The following MTARC2 variants were observed in gnomAD, a reference collection of about 807,000 sequenced individuals.
MTARC2 encodes MOCO sulphurase C-terminal domain containing 2.
MTARC2 carries 27 observed loss-of-function variants against 35.6 expected under a neutral mutation model. The ratio of observed to expected loss-of-function variants is 0.76; its 90% CI spans 0.56 to 1.04. The LOEUF is 1.04. MTARC2 is among the 50% of genes least tolerant of loss of function. MTARC2 has a pLI of 0.00. For synonymous variants in MTARC2, 158 were observed against 167.1 expected (o/e 0.95, Z 0.42); for missense variants, 412 against 432.5 (o/e 0.95, Z 0.42).
At chr1:220,768,695 A>T (rs1671650636) in intron 4 of MTARC2, among the ~76,000 whole-genome samples, 1 of 152,170 alleles carries the variant, frequency 6.6e-6, no homozygotes, top group South Asian at 2.1e-4. Context: ...TGTGCTCAGT[A>T]AAAAATGGAG....
intron 4 of MTARC2, among the ~76,000 whole-genome samples, chr1:220,776,281 T>C (rs1165446223): frequency 2.0e-5 from 3 of 152,198 alleles, no homozygotes; most frequent in Non-Finnish European, 4.4e-5. Context: ...ATCAGTGATA[T>C]TGAGGATTTT....
At chr1:220,769,733 C>T (rs1464798881) in intron 4 of MTARC2, among the ~76,000 whole-genome samples, 1 of 136,674 alleles carries the variant, frequency 7.3e-6, no homozygotes, top group African/African-American at 2.9e-5. Context: ...ACTCCCTGGG[C>T]ACTTTCTTCT....
intron 4 of MTARC2, among the ~76,000 whole-genome samples, chr1:220,771,818 CT>C (rs1267508542): frequency 6.6e-6 from 1 of 151,928 alleles, no homozygotes; most frequent in East Asian, 1.9e-4. Context: ...GGCTTAAAAC[CT>C]AGATGATGGG....
chr1:220,774,290 C>A (rs576375246), intron 4 of MTARC2, among the ~76,000 whole-genome samples: 52 of 152,110 alleles, frequency 3.4e-4, no homozygotes, highest in African/African-American at 1.2e-3. Context: ...TGGGAGCACC[C>A]TTTTTTAATA....
chr1:220,776,961 G>A (rs1200410830), intron 4 of MTARC2, among the ~76,000 whole-genome samples: 1 of 152,162 alleles, frequency 6.6e-6, no homozygotes, highest in Non-Finnish European at 1.5e-5. Context: ...TTACTTCCCA[G>A]TACAGTAGCT....
In MTARC2 at chr1:220,780,231, C is replaced by A. The variant is rs765708633; in HGVS notation, c.876C>A (p.Thr292=). Residue 292 remains threonine, a synonymous_variant, in exon 6 of 8, where the codon ACC becomes ACA. Transcript: ENST00000366913. ...GVIDRKQPLD[T]LKSYRLCDPS... ...TAGACAGGAAACAGCCACTGGACACCCTGAAGAGGTAGAATACCACCACAG... is the reference window on the plus strand; with the variant it reads ...TAGACAGGAAACAGCCACTGGACACACTGAAGAGGTAGAATACCACCACAG... 6 of 1,610,790 alleles carry A rather than the reference C, an allele frequency of 3.7e-6. No individual in the cohort carries two copies. The South Asian group carries it at 6.6e-5, about 18-fold the overall frequency.
chr1:220,781,750 C>G, intron 6 of MTARC2, 28 bp from the exon 7 acceptor site: 1 of 1,611,330 alleles, frequency 6.2e-7, no homozygotes. Flanking sequence ...CTTTTTGTGT[C>G]TGATGATTGA....
At chr1:220,763,147 G>A (rs1480114959) in intron 4 of MTARC2, 97 bp downstream of exon 4, 8 of 1,539,214 alleles carry the variant, frequency 5.2e-6, no homozygotes, top group Non-Finnish European at 7.1e-6. Flanking sequence ...GATCCGCCAG[G>A]GTCCAGTCAT....
At chr1:220,766,453 T>G (rs1480295033) in intron 4 of MTARC2, among the ~76,000 whole-genome samples, 1 of 152,138 alleles carries the variant, frequency 6.6e-6, no homozygotes, top group African/African-American at 2.4e-5. Context: ...TCAAGAAGTA[T>G]GTTACTAAAG....
rs17008467 is a variant in MTARC2 at position 220,755,213 on chromosome 1, A to G, written c.446+93A>G. ...TCTGTCTTGCTATAGTTTCTACAGT[A>G]GAGGATGACATTGGTAAAGGAAACA... On this transcript the variant is annotated intron_variant, in intron 2 of 7. Transcript: ENST00000366913. 2,123 of 1,322,486 alleles carry G rather than the reference A, an allele frequency of 1.6e-3. 32 individuals carry two copies. In the African/African-American group the frequency reaches 0.029, roughly 18 times the overall value. 81.9% of individuals were successfully genotyped at this position (1,322,486 alleles called of 1,614,324 possible). A position where few individuals can be genotyped will look rare whatever the true frequency, so the allele number is the denominator to read the frequency against.
chr1:220,762,899 T>C lies in MTARC2; in HGVS notation c.610-11T>C, dbSNP rs1040816309. 2 of 1,613,928 alleles carry C rather than the reference T, an allele frequency of 1.2e-6. No individual in the cohort carries two copies. Among genetic ancestry groups the C allele is most frequent in the African/African-American group, 1.3e-5 (1 of 74,908 alleles). ...AGTGGTGGGGCCTGACTATCCTGTGTTCTTGGCAAGGTGGCCTACCCAGAC... is the reference window on the plus strand; with the variant it reads ...AGTGGTGGGGCCTGACTATCCTGTGCTCTTGGCAAGGTGGCCTACCCAGAC... On this transcript the variant is annotated splice_polypyrimidine_tract_variant and intron_variant, in intron 3 of 7. Coordinates refer to ENST00000366913, the MANE Select transcript of MTARC2 (RefSeq NM_017898.5).
At chr1:220,780,562 G>A (rs1572321731) in intron 6 of MTARC2, among the ~76,000 whole-genome samples, 1 of 150,642 alleles carries the variant, frequency 6.6e-6, no homozygotes, top group Admixed American at 6.6e-5. Context: ...AAGTGATCCT[G>A]CCTCAGCCTC....
At chr1:220,753,369 C>T (rs1177303477) in intron 1 of MTARC2, among the ~76,000 whole-genome samples, 1 of 152,260 alleles carries the variant, frequency 6.6e-6, no homozygotes, top group African/African-American at 2.4e-5. Flanking sequence ...GCCACACCAT[C>T]ATAATGCCAG....
Position 220,784,186 on chromosome 1 carries a change from A to G in MTARC2, c.*299A>G. ...TATTTTGAATGTTATCATGGCTATT[A>G]CACTTTTACTTCCTGACTTTAATAT... is the stretch of plus-strand genomic sequence containing the variant. On this transcript the variant is annotated 3_prime_UTR_variant, in exon 8 of 8. Transcript: ENST00000366913. 2.3e-6 allele frequency: 1 copy of G among 434,238 alleles called. No individual in the cohort carries two copies. Among genetic ancestry groups the G allele is most frequent in the Non-Finnish European group, 4.1e-6 (1 of 243,440 alleles). The allele number at this position is 434,238 out of a possible 1,614,324, so 26.9% of individuals were successfully genotyped here.
intron 7 of MTARC2, among the ~76,000 whole-genome samples, chr1:220,783,456 G>A (rs1472933255): frequency 3.3e-5 from 5 of 152,192 alleles, no homozygotes; most frequent in African/African-American, 1.2e-4. Context: ...CATTGTGTGA[G>A]CCAAGGGCTT....
intron 4 of MTARC2, among the ~76,000 whole-genome samples, chr1:220,765,698 A>T (rs761955846): frequency 1.3e-5 from 2 of 152,064 alleles, no homozygotes; most frequent in Non-Finnish European, 2.9e-5. Context: ...TTAGCCTCCC[A>T]ACTTCCCAAC....
At chr1:220,767,075 G>C (rs990802676) in intron 4 of MTARC2, among the ~76,000 whole-genome samples, 6 of 151,942 alleles carry the variant, frequency 3.9e-5, no homozygotes, top group African/African-American at 1.5e-4. Flanking sequence ...CCTGTGCTAT[G>C]ATGGGCTTAC....
intron 1 of MTARC2, among the ~76,000 whole-genome samples, chr1:220,750,670 A>T (rs1671103177): frequency 6.6e-6 from 1 of 152,254 alleles, no homozygotes; most frequent in Non-Finnish European, 1.5e-5. Flanking sequence ...GCAGACACTG[A>T]GCTAAATCCT....
At chr1:220,780,647 C>T (rs1294394396) in intron 6 of MTARC2, among the ~76,000 whole-genome samples, 2 of 152,004 alleles carry the variant, frequency 1.3e-5, no homozygotes, top group Admixed American at 6.6e-5. Context: ...GACAGGGTTT[C>T]ACCATGTTGG....
Sources: allele counts gnomAD v4.1 joint callset (sites outside exome capture counted in the v4.1 genomes callset), GRCh38; gene constraint gnomAD v4.1.1; transcripts MANE v1.5; gene names NCBI Gene and HGNC (gene_info 2026-07-23, HGNC 2026-07-21).